OSBPL9: variants seen among roughly 807,000 people sequenced by gnomAD.
The protein encoded by OSBPL9 is oxysterol-binding protein-related protein 9.
Under a neutral mutation model 106.6 loss-of-function variants are expected in OSBPL9, and 40 were observed. The observed-to-expected ratio is 0.38, with a 90% CI of 0.29 to 0.49. The LOEUF (loss-of-function observed/expected upper bound fraction) is 0.49, where lower values mean the gene tolerates loss of function less well. Ranked by LOEUF, OSBPL9 falls within the 20% of genes least tolerant of loss-of-function variation. The pLI, the probability that OSBPL9 is intolerant of heterozygous loss-of-function variation, is 0.97. For missense variants in OSBPL9, 609 were observed against 887.2 expected (o/e 0.69, Z 3.98); for synonymous variants, 269 against 295.4 (o/e 0.91, Z 0.92).
chr1:51,711,046 C>G (rs1031512839), intron 3 of OSBPL9, among the ~76,000 whole-genome samples: 14 of 139,840 alleles, frequency 1.0e-4, no homozygotes, highest in Admixed American at 9.9e-4. Flanking sequence ...TTTTTTTTTT[C>G]CCAAGGCAGA....
intron 9 of OSBPL9, among the ~76,000 whole-genome samples, chr1:51,758,552 A>C (rs1477231411): frequency 6.6e-6 from 1 of 152,156 alleles, no homozygotes. Context: ...ACAAGAGCTC[A>C]GTCCAAAACA....
At chr1:51,684,455 T>G (rs1470259762) in intron 3 of OSBPL9, among the ~76,000 whole-genome samples, 2 of 152,226 alleles carry the variant, frequency 1.3e-5, no homozygotes, top group Non-Finnish European at 2.9e-5. Flanking sequence ...CATTCCACAA[T>G]GTACATATTT....
At chr1:51,741,409 CCCTCCCTT>C (rs1231547119) in intron 4 of OSBPL9, among the ~76,000 whole-genome samples, 8 of 149,494 alleles carry the variant, frequency 5.4e-5, no homozygotes, top group Non-Finnish European at 1.2e-4. Context: ...CTCCTTCCCT[CCCTCCCTT>C]CCTTCCATCC....
chr1:51,617,996 TTGTG>T (rs58221259), intron 1 of OSBPL9, among the ~76,000 whole-genome samples: 28 of 145,764 alleles, frequency 1.9e-4, no homozygotes, highest in Admixed American at 2.7e-4. Flanking sequence ...TCTTACGTGG[TTGTG>T]TGTGTGTGTG....
At chr1:51,697,613 G>C (rs1390003344) in intron 3 of OSBPL9, among the ~76,000 whole-genome samples, 2 of 151,464 alleles carry the variant, frequency 1.3e-5, no homozygotes, top group Non-Finnish European at 2.9e-5. Flanking sequence ...GGAATGGTAA[G>C]GTATAGGAGT....
Position 51,729,928 on chromosome 1 carries a change from C to A in OSBPL9, c.319-15608C>A. The A allele has an allele frequency of 1.5e-6, 2 of 1,304,122 alleles. No homozygotes were observed. Among genetic ancestry groups the A allele is most frequent in the Non-Finnish European group, 2.0e-6 (2 of 1,018,214 alleles). 80.8% of individuals were successfully genotyped at this position (1,304,122 alleles called of 1,614,324 possible). A position where few individuals can be genotyped will look rare whatever the true frequency, so the allele number is the denominator to read the frequency against. ...AAGAAAAAGGGGTGCTCGGGAGCAGCCCCCGGCTACCTCCCCTGGAGGCAC... is the reference window on the plus strand; with the variant it reads ...AAGAAAAAGGGGTGCTCGGGAGCAGACCCCGGCTACCTCCCCTGGAGGCAC... On this transcript the variant is annotated intron_variant, in intron 4 of 23. Coordinates refer to ENST00000428468, the MANE Select transcript of OSBPL9 (RefSeq NM_024586.6). This position sits in a 1 kb window ranked among gnomAD's most constrained non-coding sequence, Gnocchi z 5.1.
chr1:51,622,049 C>A (rs571489690), intron 1 of OSBPL9, among the ~76,000 whole-genome samples: 2 of 151,274 alleles, frequency 1.3e-5, no homozygotes, highest in African/African-American at 4.9e-5. Flanking sequence ...AATATGGTTG[C>A]GGAGAAGTAA....
intron 1 of OSBPL9, among the ~76,000 whole-genome samples, chr1:51,643,102 A>G (rs947425145): frequency 6.6e-6 from 1 of 152,198 alleles, no homozygotes; most frequent in African/African-American, 2.4e-5. Context: ...GTAGAGCAAG[A>G]GAGGTGAGGG....
At chr1:51,687,845 G>A (rs747283099) in intron 3 of OSBPL9, among the ~76,000 whole-genome samples, 16 of 152,200 alleles carry the variant, frequency 1.1e-4, no homozygotes, top group East Asian at 1.9e-4. Flanking sequence ...AAGCCTCCTC[G>A]TCACATTTGT....
intron 1 of OSBPL9, among the ~76,000 whole-genome samples, chr1:51,644,391 A>G: frequency 6.6e-6 from 1 of 152,086 alleles, no homozygotes; most frequent in Admixed American, 6.6e-5. Context: ...TAGTGGCGCA[A>G]TCTCGGCTCA....
chr1:51,521,417 C>G, the OSBPL9 span, among the ~76,000 whole-genome samples: 4 of 152,118 alleles, frequency 2.6e-5, no homozygotes, highest in African/African-American at 9.7e-5. Context: ...GGAAACCCTG[C>G]CATGTAGTTT....
chr1:51,530,182 A>AAAAAAAAG, the OSBPL9 span, among the ~76,000 whole-genome samples: 2 of 116,784 alleles, frequency 1.7e-5, no homozygotes, highest in Non-Finnish European at 3.3e-5. Context: ...AAAAAAAAAA[A>AAAAAAAAG]AAAAAAAAAA....
chr1:51,620,009 A>G (rs1413377976), intron 1 of OSBPL9, among the ~76,000 whole-genome samples: 3 of 152,202 alleles, frequency 2.0e-5, no homozygotes, highest in Non-Finnish European at 4.4e-5. Context: ...GAACTAAACT[A>G]GAGTGACCTT....
upstream of OSBPL9, among the ~76,000 whole-genome samples, chr1:51,573,429 A>C (rs1436457001): frequency 6.7e-6 from 1 of 148,268 alleles, no homozygotes; most frequent in Non-Finnish European, 1.5e-5. Context: ...AATCACTTGA[A>C]CCTGGGAGGC....
intron 4 of OSBPL9, among the ~76,000 whole-genome samples, chr1:51,743,188 G>C (rs1482715300): frequency 6.6e-6 from 1 of 152,234 alleles, no homozygotes; most frequent in East Asian, 1.9e-4. Flanking sequence ...GATTGGGCCA[G>C]TTCTGGGACT....
At position 51,745,521 on chromosome 1, in the gene OSBPL9, A is replaced by G; in HGVS notation, c.319-15A>G. ...TTGGGTTCTGGTAGATTTATTGCAA[A>G]TTCTCTTTCTCTAGGGTTTGGATTC... is the stretch of plus-strand genomic sequence containing the variant. On this transcript the variant is annotated splice_polypyrimidine_tract_variant and intron_variant, in intron 4 of 23. Coordinates refer to ENST00000428468, the MANE Select transcript of OSBPL9 (RefSeq NM_024586.6). 6.2e-7 allele frequency: 1 copy of G among 1,609,422 alleles called. No homozygotes were observed. The highest frequency in any genetic ancestry group is 8.5e-7 in the Non-Finnish European group (1 of 1,177,570).
the OSBPL9 span, among the ~76,000 whole-genome samples, chr1:51,559,343 T>C: frequency 1.3e-5 from 2 of 151,884 alleles, no homozygotes; most frequent in Non-Finnish European, 2.9e-5. Context: ...TCAGACCCGA[T>C]TAGAAGTTAG....
intron 4 of OSBPL9, among the ~76,000 whole-genome samples, chr1:51,724,436 A>T (rs749688061): frequency 6.6e-5 from 10 of 150,978 alleles, no homozygotes; most frequent in South Asian, 2.1e-4. Flanking sequence ...GGCGCCCACC[A>T]CCATGCCCAG....
intron 1 of OSBPL9, chr1:51,582,760 G>A (rs1328387501): frequency 6.6e-6 from 1 of 152,044 alleles, no homozygotes; most frequent in Non-Finnish European, 1.5e-5. Context: ...ATCCCAATTG[G>A]CAGGTAAGAT....
Sources: allele counts gnomAD v4.1 joint callset (sites outside exome capture counted in the v4.1 genomes callset), GRCh38; gene constraint gnomAD v4.1.1; non-coding constraint Gnocchi (gnomAD v3.1); transcripts MANE v1.5; gene names NCBI Gene and HGNC (gene_info 2026-07-23, HGNC 2026-07-21).